L3MBTL1: variants seen among roughly 807,000 people sequenced by gnomAD.
L3MBTL1 encodes the protein lethal(3)malignant brain tumor-like protein 1.
L3MBTL1 carries 75 observed loss-of-function variants against 105.3 expected under a neutral mutation model. The ratio of observed to expected loss-of-function variants is 0.71; its 90% CI spans 0.59 to 0.86. The LOEUF (loss-of-function observed/expected upper bound fraction) is 0.86, where lower values mean the gene tolerates loss of function less well. L3MBTL1 is among the 40% of genes least tolerant of loss of function. L3MBTL1 has a pLI of 0.00. For synonymous variants in L3MBTL1, 452 were observed against 436.2 expected (o/e 1.04, Z -0.45); for missense variants, 1,069 against 1,126.4 (o/e 0.95, Z 0.73).
intron 11 of L3MBTL1, chr20:43,531,517 T>C (rs6103366): frequency 0.97 from 148,009 of 152,254 alleles, 71,951 homozygotes; most frequent in East Asian, 1. Context: ...AGTTCAAGAC[T>C]AGCCTGGGCA....
In L3MBTL1 at chr20:43,532,785, C is replaced by G; in HGVS notation, c.1297C>G (p.Leu433Val). The G allele has an allele frequency of 6.2e-7, 1 of 1,614,238 alleles. No homozygotes were observed. The highest frequency in any genetic ancestry group is 2.2e-5 in the East Asian group (1 of 44,884). ...TTTTTTCCCCTAGAGTCCCCCACCC[C>G]TGGGCTTCCAGGTGGGCATGAAGCT... The part of the protein sequence containing the change: ...FVSQSHSPPP[L>V]GFQVGMKLEA... The change falls in exon 12 of 22, where the codon CTG becomes GTG. Residue 433 changes from leucine (L) to valine (V), a missense_variant. Physicochemically the swap from Leu to Val is conservative, Grantham distance 32 (BLOSUM62 1). Transcript: ENST00000418998.
At chr20:43,527,049 G>C (rs1371782337) in intron 7 of L3MBTL1, among the ~76,000 whole-genome samples, 1 of 152,192 alleles carries the variant, frequency 6.6e-6, no homozygotes, top group African/African-American at 2.4e-5. Context: ...ACCACTCCAA[G>C]CCTGAATTAT....
chr20:43,508,345 G>A (rs1019709455), intron 1 of L3MBTL1, among the ~76,000 whole-genome samples: 1 of 152,258 alleles, frequency 6.6e-6, no homozygotes, highest in Admixed American at 6.5e-5. Context: ...GGCGGGTCCC[G>A]ATCCTGGAAC....
chr20:43,514,128 G>C (rs1489935394), intron 3 of L3MBTL1, 67 bp downstream of exon 3: 2 of 1,355,662 alleles, frequency 1.5e-6, no homozygotes, highest in African/African-American at 2.9e-5. Flanking sequence ...TGCAGGCCCG[G>C]AGGCTGGACC....
intron 10 of L3MBTL1, 102 bp downstream of exon 10, chr20:43,530,521 T>A (rs950452945): frequency 3.0e-6 from 4 of 1,337,146 alleles, no homozygotes; most frequent in Non-Finnish European, 4.1e-6. Flanking sequence ...TTTCTGACCC[T>A]GTACCCTGTT....
At chr20:43,544,312 C>T (rs1293267193), downstream of L3MBTL1, among the ~76,000 whole-genome samples, 1 of 152,156 alleles carries the variant, frequency 6.6e-6, no homozygotes, top group Non-Finnish European at 1.5e-5. Flanking sequence ...ATCCAGATCA[C>T]CTCAATTTTA....
intron 1 of L3MBTL1, among the ~76,000 whole-genome samples, chr20:43,513,132 T>A (rs781031044): frequency 6.6e-5 from 10 of 152,242 alleles, no homozygotes; most frequent in Non-Finnish European, 7.3e-5. Flanking sequence ...TGGCCTGGGC[T>A]ATGTCCTGGA....
In L3MBTL1 at chr20:43,535,868, G is replaced by T. The variant is rs1447332616; in HGVS notation, c.1857G>T (p.Gly619=). The T allele has an allele frequency of 1.3e-5, 21 of 1,610,762 alleles. No homozygotes were observed. The Admixed American group carries it at 2.9e-4, about 22-fold the overall frequency. Residue 619 remains glycine, a synonymous_variant, in exon 17 of 22, where the codon GGG becomes GGT. Coordinates refer to ENST00000418998, the MANE Select transcript of L3MBTL1 (RefSeq NM_001377303.1). The part of the protein sequence containing the change: ...GPREPSSASP[G]GCPPLSYRSL... ...GAGAGCCCAGCTCTGCCTCCCCTGG[G>T]GGCTGTCCCCCTCTCAGCTATAGGA...
chr20:43,545,475 C>T (rs1000531223), downstream of L3MBTL1, among the ~76,000 whole-genome samples: 1 of 152,238 alleles, frequency 6.6e-6, no homozygotes, highest in South Asian at 2.1e-4. Flanking sequence ...GAGAGCTCCT[C>T]AGGTCCAAGG....
At chr20:43,521,821 G>C (rs1380584184) in intron 7 of L3MBTL1, among the ~76,000 whole-genome samples, 2 of 152,160 alleles carry the variant, frequency 1.3e-5, no homozygotes, top group Admixed American at 6.6e-5. Flanking sequence ...CTGAGTAGCT[G>C]GGACTGCAGG....
chr20:43,520,388 G>A (rs1288204249), intron 7 of L3MBTL1, among the ~76,000 whole-genome samples: 1 of 152,092 alleles, frequency 6.6e-6, no homozygotes, highest in Non-Finnish European at 1.5e-5. Context: ...GTGGACATAT[G>A]GACTCATTTT....
chr20:43,545,269 G>GC (rs1490541227), downstream of L3MBTL1, among the ~76,000 whole-genome samples: 1 of 151,974 alleles, frequency 6.6e-6, no homozygotes, highest in Non-Finnish European at 1.5e-5. Context: ...GGAGGCTGAG[G>GC]CAGAAGAGTC....
rs372862587 is a variant in L3MBTL1 at position 43,534,052 on chromosome 20, G to A, written c.1558G>A (p.Glu520Lys). Residue 520 changes from glutamate to lysine, a missense_variant, in exon 14 of 22, where the codon GAA (glutamate) becomes AAA (lysine). Coordinates refer to ENST00000418998, the MANE Select transcript of L3MBTL1 (RefSeq NM_001377303.1). ...DNFCWEKYLE[E>K]TGASAVPTWA... ...CTTCTGTTGGGAGAAATATCTGGAA[G>A]AAACTGGGGCCTCTGCTGTCCCCAC... 2 of 1,614,014 alleles carry A rather than the reference G, an allele frequency of 1.2e-6. No individual in the cohort carries two copies. The highest frequency in any genetic ancestry group is 2.7e-5 in the African/African-American group (2 of 74,942).
In L3MBTL1 at chr20:43,532,848, G is replaced by C; in HGVS notation, c.1360G>C (p.Val454Leu). Residue 454 changes from valine (V) to leucine (L), a missense_variant, in exon 12 of 22, where the codon GTG becomes CTG. Transcript: ENST00000418998. The part of the protein sequence containing the change: ...VDRMNPSLVC[V>L]ASVTDVVDSR... The stretch of plus-strand genomic sequence containing the variant: ...CCGCATGAACCCGTCCCTTGTCTGC[G>C]TGGCCAGTGTGACCGATGTGGTGGA... The C allele has an allele frequency of 6.2e-7, 1 of 1,614,216 alleles. No homozygotes were observed. The highest frequency in any genetic ancestry group is 1.1e-5 in the South Asian group (1 of 91,088).
intron 7 of L3MBTL1, among the ~76,000 whole-genome samples, chr20:43,525,527 T>C (rs6030938): frequency 0.21 from 31,612 of 151,948 alleles, 3,613 homozygotes; most frequent in African/African-American, 0.29. Context: ...CTTGGCTGGG[T>C]ACCTATGTAT....
At chr20:43,540,646 A>G (rs1224239569) in intron 20 of L3MBTL1, 107 bp from the exon 21 acceptor site, 10 of 1,089,406 alleles carry the variant, frequency 9.2e-6, no homozygotes, top group Non-Finnish European at 1.2e-5. Flanking sequence ...GGCTGGTGAG[A>G]AAAAGCAGCA....
At chr20:43,533,499 C>T (rs747115342) in intron 13 of L3MBTL1, 81 bp downstream of exon 13, 53 of 1,192,916 alleles carry the variant, frequency 4.4e-5, no homozygotes, top group South Asian at 6.9e-5. Flanking sequence ...CAGTAGTGCC[C>T]CAGTAGCTGG....
In L3MBTL1 at chr20:43,530,871, G is replaced by T; in HGVS notation, c.1266G>T (p.Leu422=). Residue 422 remains leucine (L), a synonymous_variant, in exon 11 of 22, where the codon CTG becomes CTT. Transcript: ENST00000418998. ...STRAQAAPKH[L]FVSQSHSPPP... is the part of the protein sequence containing the mutation. ...GAGCTCAGGCTGCCCCCAAGCACCTGTTTGTGAGCCAGAGCCACGTGAGTG... is the reference window on the plus strand; with the variant it reads ...GAGCTCAGGCTGCCCCCAAGCACCTTTTTGTGAGCCAGAGCCACGTGAGTG... 6.2e-7 allele frequency: 1 copy of T among 1,613,952 alleles called. No individual in the cohort carries two copies. The highest frequency in any genetic ancestry group is 8.5e-7 in the Non-Finnish European group (1 of 1,179,902).
Position 43,541,250 on chromosome 20 carries a change from A to C in L3MBTL1, c.*122A>C. Reference sequence around the variant, plus strand: ...CACTTAAAATCAAGAGCCAAGGAGTAGTGAGTTGTAGATAAAAAAAGAATG... The same window carrying C: ...CACTTAAAATCAAGAGCCAAGGAGTCGTGAGTTGTAGATAAAAAAAGAATG... On this transcript the variant is annotated 3_prime_UTR_variant, in exon 22 of 22. Coordinates refer to ENST00000418998, the MANE Select transcript of L3MBTL1 (RefSeq NM_001377303.1). 6.8e-7 allele frequency: 1 copy of C among 1,477,558 alleles called. No individual in the cohort carries two copies. The highest frequency in any genetic ancestry group is 9.0e-7 in the Non-Finnish European group (1 of 1,116,976). 91.5% of individuals were successfully genotyped at this position (1,477,558 alleles called of 1,614,324 possible).
Sources: gnomAD v4.1 joint callset for allele counts (sites outside exome capture counted in the v4.1 genomes callset) on GRCh38, gnomAD v4.1.1 for gene constraint, MANE v1.5 for transcripts, NCBI Gene and HGNC (gene_info 2026-07-23, HGNC 2026-07-21) for gene names.